The following MYO1E variants were observed in gnomAD, a reference collection of about 807,000 sequenced individuals.
MYO1E encodes the protein unconventional myosin-Ie.
Under a neutral mutation model 151.1 loss-of-function variants are expected in MYO1E, and 68 were observed. The observed-to-expected ratio is 0.45, with a 90% CI of 0.37 to 0.55. MYO1E has a LOEUF of 0.55. MYO1E is among the 20% of genes least tolerant of loss of function. MYO1E has a pLI of 0.00. For synonymous variants in MYO1E, 601 were observed against 501.7 expected, an observed-to-expected ratio of 1.20 and a Z score of -2.64; for missense variants, 1,363 against 1,389.3, an observed-to-expected ratio of 0.98 and a Z score of 0.30.
Position 59,210,569 on chromosome 15 carries a change from G to A in MYO1E, c.1307C>T (p.Thr436Ile), listed in dbSNP as rs752229218. Residue 436 changes from threonine to isoleucine, a missense_variant, in exon 13 of 28, where the codon ACA (threonine) becomes ATA (isoleucine). Physicochemically the swap from Thr to Ile is moderately conservative, Grantham distance 89. Transcript: ENST00000288235. ...EEYVQEGIRW[T>I]PIEYFNNKIV... is the part of the protein sequence containing the mutation. ...TTTATTATTAAAGTACTCAATGGGT[G>A]TCCATCTTATTCCCTCTTGAACATA... The A allele has an allele frequency of 1.2e-5, 19 of 1,604,888 alleles. No homozygotes were observed. The highest frequency in any genetic ancestry group is 3.3e-4 in the Middle Eastern group (2 of 6,052).
intron 4 of MYO1E, 47 bp from the exon 5 acceptor site, chr15:59,236,719 C>CAGCT (rs1468865537): frequency 6.8e-7 from 1 of 1,465,406 alleles, no homozygotes; most frequent in Non-Finnish European, 9.6e-7. Flanking sequence ...GGATTGCGAC[C>CAGCT]AGCTCCCTTC....
chr15:59,133,448 G>C lies in MYO1E; in HGVS notation c.*3932C>G, dbSNP rs1034870030. On this transcript the variant is annotated 3_prime_UTR_variant, in exon 28 of 28. Coordinates refer to ENST00000288235, the MANE Select transcript of MYO1E (RefSeq NM_004998.4). ...AGGGAAGAACTGTGTGACCTTGGGC[G>C]ACCTAGTGAACCATACTGAGCCAGT... 6.6e-6 allele frequency: 1 copy of C among 151,938 alleles called. No homozygotes were observed. The highest frequency in any genetic ancestry group is 1.5e-5 in the Non-Finnish European group (1 of 68,022). 9.4% of individuals were successfully genotyped at this position (151,938 alleles called of 1,614,324 possible).
rs76418443 is a variant in MYO1E at position 59,276,647 on chromosome 15, A to G, written c.4-4198T>C. Among the ~76,000 whole-genome samples the G allele has an allele frequency of 3.1e-3, 465 of 152,340 alleles. 3 individuals carry two copies. Among genetic ancestry groups the G allele is most frequent in the Non-Finnish European group, 5.1e-3 (346 of 68,034 alleles). The stretch of plus-strand genomic sequence containing the variant: ...TGGAAAGTAGGGTACGCCCCTATCC[A>G]CATAATAGCCTGGTTTGTTGCTAAC... On this transcript the variant is annotated intron_variant, in intron 1 of 27. Transcript: ENST00000288235.
chr15:59,154,396 G>C (rs185418967), intron 25 of MYO1E, among the ~76,000 whole-genome samples: 1 of 152,246 alleles, frequency 6.6e-6, no homozygotes, highest in Non-Finnish European at 1.5e-5. Context: ...GCCAAACAGC[G>C]ATGTCTAGTT....
intron 17 of MYO1E, among the ~76,000 whole-genome samples, chr15:59,192,683 G>C (rs986514522): frequency 6.6e-6 from 1 of 152,220 alleles, no homozygotes; most frequent in Non-Finnish European, 1.5e-5. Context: ...CAGGTGGATA[G>C]AGTTTGAAAT....
At chr15:59,301,840 G>GA (rs2140404179) in intron 1 of MYO1E, among the ~76,000 whole-genome samples, 1 of 152,272 alleles carries the variant, frequency 6.6e-6, no homozygotes, top group South Asian at 2.1e-4. Context: ...TAGAGAACGG[G>GA]AAAGCTAACC....
rs16941062 is a variant in MYO1E at position 59,141,156 on chromosome 15, G to A, written c.3081-2789C>T. ...ACAAGGAATGAAAGGGGATGGCGGCGGGCATTACAACACCCTGGGAGGGAG... is the reference window on the plus strand; with the variant it reads ...ACAAGGAATGAAAGGGGATGGCGGCAGGCATTACAACACCCTGGGAGGGAG... On this transcript the variant is annotated intron_variant, in intron 26 of 27. Coordinates refer to ENST00000288235, the MANE Select transcript of MYO1E (RefSeq NM_004998.4). Among the ~76,000 whole-genome samples the A allele has an allele frequency of 6.1e-3, 932 of 152,190 alleles. 9 individuals carry two copies. The highest frequency in any genetic ancestry group is 0.019 in the African/African-American group (785 of 41,516).
chr15:59,204,396 T>A (rs2079820076), intron 15 of MYO1E, among the ~76,000 whole-genome samples: 1 of 152,234 alleles, frequency 6.6e-6, no homozygotes, highest in Non-Finnish European at 1.5e-5. Context: ...TCAGGCTCGC[T>A]GCTGTTGATC....
chr15:59,169,096 T>C (rs892788201), intron 22 of MYO1E, among the ~76,000 whole-genome samples: 1 of 152,124 alleles, frequency 6.6e-6, no homozygotes, highest in Non-Finnish European at 1.5e-5. Context: ...GTTGGTTGGT[T>C]TGAATAGGGA....
intron 4 of MYO1E, among the ~76,000 whole-genome samples, chr15:59,255,105 T>TTTTGG (rs1234900122): frequency 6.6e-6 from 1 of 151,886 alleles, no homozygotes; most frequent in African/African-American, 2.4e-5. Context: ...AAGCCTTTTT[T>TTTTGG]TTTGGTTTGG....
chr15:59,232,781 G>A lies in MYO1E; in HGVS notation c.421-990C>T, dbSNP rs565957999. ...CTGTCTGCAGTCTGGCTACTAGGTC[G>A]TAGGGGTGTAGCAAAGAGGAGTAAA... On this transcript the variant is annotated intron_variant, in intron 5 of 27. Transcript: ENST00000288235. Among the ~76,000 whole-genome samples, 11 of 152,306 alleles carry A rather than the reference G, an allele frequency of 7.2e-5. No homozygotes were observed. The East Asian group carries it at 1.7e-3, about 24-fold the overall frequency.
rs1214785725 is a variant in MYO1E at position 59,227,510 on chromosome 15, A to G, written c.591T>C (p.Ser197=). The change falls in exon 7 of 28, where the codon TCT becomes TCC. Residue 197 remains serine (S), a synonymous_variant. Transcript: ENST00000288235. ...CTCCTGGGTTCCTCATCACCACCCT[A>G]GATTTTTCCAGAAGGAAGTTGGAGA... ...GKISNFLLEK[S]RVVMRNPGER... 1 of 1,614,160 alleles carries G rather than the reference A, an allele frequency of 6.2e-7. No individual in the cohort carries two copies. Among genetic ancestry groups the G allele is most frequent in the East Asian group, 2.2e-5 (1 of 44,884 alleles).
At chr15:59,303,177 G>A (rs1223862541) in intron 1 of MYO1E, among the ~76,000 whole-genome samples, 3 of 152,208 alleles carry the variant, frequency 2.0e-5, no homozygotes, top group East Asian at 3.8e-4. Flanking sequence ...AGAATTAGAT[G>A]TCAGCTTGAT....
At position 59,273,605 on chromosome 15, in the gene MYO1E, T is replaced by A. The variant is rs181861473; in HGVS notation, c.4-1156A>T. 1.3e-4 allele frequency among the ~76,000 whole-genome samples: 19 copies of A among 151,790 alleles called. No homozygotes were observed. In the East Asian group the frequency reaches 3.7e-3, roughly 29 times the overall value. Reference sequence around the variant, plus strand: ...GGAGCCATTTGAAGTAGGTCTAAGATATTTAGAATTTGCCGGAGGAGACCA... The same window carrying A: ...GGAGCCATTTGAAGTAGGTCTAAGAAATTTAGAATTTGCCGGAGGAGACCA... On this transcript the variant is annotated intron_variant, in intron 1 of 27. Coordinates refer to ENST00000288235, the MANE Select transcript of MYO1E (RefSeq NM_004998.4).
chr15:59,324,090 T>G (rs1026449687), intron 1 of MYO1E, among the ~76,000 whole-genome samples: 48 of 152,072 alleles, frequency 3.2e-4, no homozygotes, highest in African/African-American at 1.1e-3. Flanking sequence ...CAGGACCCAC[T>G]TTGGCCACAA....
At chr15:59,239,811 A>T (rs2080089280) in intron 4 of MYO1E, among the ~76,000 whole-genome samples, 1 of 152,214 alleles carries the variant, frequency 6.6e-6, no homozygotes. Flanking sequence ...TTTATTGATC[A>T]GAGGCTGGTG....
intron 1 of MYO1E, among the ~76,000 whole-genome samples, chr15:59,313,756 A>G (rs1751411018): frequency 6.6e-6 from 1 of 152,178 alleles, no homozygotes; most frequent in African/African-American, 2.4e-5. Flanking sequence ...TCACGAAGAG[A>G]AAAATAGAAG....
At chr15:59,306,339 A>G (rs1434493747) in intron 1 of MYO1E, among the ~76,000 whole-genome samples, 6 of 152,236 alleles carry the variant, frequency 3.9e-5, no homozygotes, top group African/African-American at 1.4e-4. Context: ...GAATATTTCT[A>G]GTTTTCACCT....
At chr15:59,352,185 T>G (rs1163130503) in intron 1 of MYO1E, among the ~76,000 whole-genome samples, 1 of 152,222 alleles carries the variant, frequency 6.6e-6, no homozygotes, top group African/African-American at 2.4e-5. Context: ...GAGAAAAGTT[T>G]CCCTCGATTC....
Sources: gnomAD v4.1 joint callset for allele counts (sites outside exome capture counted in the v4.1 genomes callset) on GRCh38, gnomAD v4.1.1 for gene constraint, MANE v1.5 for transcripts, NCBI Gene and HGNC (gene_info 2026-07-23, HGNC 2026-07-21) for gene names.